DNAH11: variants seen among roughly 807,000 people sequenced by gnomAD.
DNAH11 encodes the protein axonemal beta dynein heavy chain 11.
A neutral mutation model predicts 526.0 loss-of-function variants in DNAH11; 442 were observed. That is an observed-to-expected ratio of 0.84 (90% confidence interval 0.78 to 0.91). DNAH11 has a LOEUF of 0.91. DNAH11 is among the 40% of genes least tolerant of loss of function. DNAH11 has a pLI of 0.00. For synonymous variants in DNAH11, 2,461 were observed against 1,935.9 expected (o/e 1.27, Z -7.12); for missense variants, 6,989 against 5,448.7 (o/e 1.28, Z -8.90).
intron 31 of DNAH11, 151 bp from the exon 32 acceptor site, chr7:21,683,633 A>T: frequency 1.4e-6 from 1 of 718,258 alleles, no homozygotes; most frequent in South Asian, 3.7e-5. Flanking sequence ...GTATTTAACC[A>T]TGTATATGCT....
intron 62 of DNAH11, 144 bp from the exon 63 acceptor site, chr7:21,807,739 C>T: frequency 1.6e-6 from 1 of 616,096 alleles, no homozygotes; most frequent in Admixed American, 3.3e-5. Context: ...AAGATTATAA[C>T]AGTCACACCA....
At chr7:21,823,947 A>T (rs1790163540) in intron 65 of DNAH11, among the ~76,000 whole-genome samples, 1 of 152,192 alleles carries the variant, frequency 6.6e-6, no homozygotes, top group Admixed American at 6.5e-5. Flanking sequence ...TTGATGATGT[A>T]CAAAGCTTGA....
At chr7:21,575,312 T>C (rs1212794580) in intron 8 of DNAH11, among the ~76,000 whole-genome samples, 1 of 152,224 alleles carries the variant, frequency 6.6e-6, no homozygotes, top group East Asian at 1.9e-4. Flanking sequence ...TCCAGGTTGC[T>C]GTGTCTGCTT....
intron 30 of DNAH11, among the ~76,000 whole-genome samples, chr7:21,666,207 G>A (rs1782415548): frequency 6.6e-6 from 1 of 152,030 alleles, no homozygotes; most frequent in Non-Finnish European, 1.5e-5. Context: ...TTGCATATTA[G>A]TATTGGGATT....
chr7:21,788,163 G>A (rs747926681), intron 60 of DNAH11, among the ~76,000 whole-genome samples: 2 of 152,164 alleles, frequency 1.3e-5, no homozygotes, highest in Non-Finnish European at 2.9e-5. Flanking sequence ...GCACTTTGCT[G>A]AGTACTTGAT....
At chr7:21,697,955 C>T in intron 35 of DNAH11, 120 bp from the exon 36 acceptor site, 3 of 1,020,604 alleles carry the variant, frequency 2.9e-6, no homozygotes, top group Non-Finnish European at 4.2e-6. Context: ...GATTGACAGA[C>T]ATAATTATGA....
chr7:21,830,098 A>G (rs1040878067), intron 65 of DNAH11, among the ~76,000 whole-genome samples: 1 of 152,200 alleles, frequency 6.6e-6, no homozygotes, highest in Non-Finnish European at 1.5e-5. Context: ...GCTTTTATGC[A>G]TATCTGACGT....
At chr7:21,730,395 T>G (rs1176448638) in intron 45 of DNAH11, among the ~76,000 whole-genome samples, 1 of 152,200 alleles carries the variant, frequency 6.6e-6, no homozygotes, top group Non-Finnish European at 1.5e-5. Flanking sequence ...GCATTTCAGA[T>G]TAGGAATGCT....
At chr7:21,725,028 G>T (rs2128485379) in intron 44 of DNAH11, among the ~76,000 whole-genome samples, 1 of 44,020 alleles carries the variant, frequency 2.3e-5, no homozygotes, top group African/African-American at 9.0e-5. Flanking sequence ...TCTAGTTGTT[G>T]CTCACAGTTG....
chr7:21,567,050 A>C (rs941451258), intron 6 of DNAH11, among the ~76,000 whole-genome samples: 1 of 152,218 alleles, frequency 6.6e-6, no homozygotes, highest in African/African-American at 2.4e-5. Context: ...GATGTTGGTC[A>C]AAGGGTACAA....
chr7:21,734,090 A>G (rs1164845454), intron 45 of DNAH11, among the ~76,000 whole-genome samples: 3 of 152,170 alleles, frequency 2.0e-5, no homozygotes, highest in African/African-American at 4.8e-5. Context: ...AGAGCATTCT[A>G]TGTGTAGATA....
chr7:21,817,816 A>G (rs1290112243), intron 64 of DNAH11, among the ~76,000 whole-genome samples: 2 of 146,570 alleles, frequency 1.4e-5, no homozygotes, highest in Non-Finnish European at 3.1e-5. Context: ...AAGTGACTAA[A>G]TGTAAAGGTT....
In DNAH11 at chr7:21,683,884, A is replaced by G. The variant is rs942425443; in HGVS notation, c.5561A>G (p.Gln1854Arg). The G allele has an allele frequency of 1.2e-6, 2 of 1,613,740 alleles. No homozygotes were observed. Among genetic ancestry groups the G allele is most frequent in the African/African-American group, 2.7e-5 (2 of 74,934 alleles). Reference protein sequence around the residue: ...CFVNICDAQFQYFYEYLGNSP... With the variant: ...CFVNICDAQFRYFYEYLGNSP... The stretch of plus-strand genomic sequence containing the variant: ...GTTAATATTTGTGATGCCCAGTTCC[A>G]GTACTTCTATGAATACTTAGGAAAC... Residue 1854 changes from glutamine to arginine, a missense_variant, in exon 32 of 82, where the codon CAG (glutamine) becomes CGG (arginine). Gln to Arg is a conservative substitution (Grantham distance 43). Transcript: ENST00000409508.
chr7:21,784,352 T>C (rs1788081040), intron 57 of DNAH11, 75 bp from the exon 58 acceptor site: 4 of 1,123,186 alleles, frequency 3.6e-6, no homozygotes, highest in South Asian at 1.3e-5. Flanking sequence ...TGCATCTGAG[T>C]CAACCTCCAT....
intron 69 of DNAH11, among the ~76,000 whole-genome samples, chr7:21,863,443 T>A (rs1783151453): frequency 6.6e-6 from 1 of 152,218 alleles, no homozygotes; most frequent in East Asian, 1.9e-4. Context: ...TTCTTCTGCC[T>A]CAGCCTCCCG....
intron 68 of DNAH11, among the ~76,000 whole-genome samples, chr7:21,855,192 T>C (rs529370045): frequency 1.3e-5 from 2 of 152,210 alleles, no homozygotes; most frequent in South Asian, 2.1e-4. Flanking sequence ...CCACCACACC[T>C]GGCTAATTTT....
intron 30 of DNAH11, among the ~76,000 whole-genome samples, chr7:21,665,946 A>G (rs1473805895): frequency 6.6e-6 from 1 of 152,144 alleles, no homozygotes; most frequent in Non-Finnish European, 1.5e-5. Flanking sequence ...TCCTTTCAAA[A>G]TGGATGTAAC....
chr7:21,755,336 G>C (rs984148311), intron 54 of DNAH11, among the ~76,000 whole-genome samples: 1 of 152,100 alleles, frequency 6.6e-6, no homozygotes, highest in East Asian at 1.9e-4. Context: ...CTTGCAGCTC[G>C]AATATAGAAC....
At chr7:21,716,706 TC>T (rs1306644269) in intron 42 of DNAH11, among the ~76,000 whole-genome samples, 4 of 152,150 alleles carry the variant, frequency 2.6e-5, no homozygotes, top group African/African-American at 9.7e-5. Context: ...TTTCCATTGT[TC>T]CGCGGTTCCC....
Sources: gnomAD v4.1 joint callset for allele counts (sites outside exome capture counted in the v4.1 genomes callset) on GRCh38, gnomAD v4.1.1 for gene constraint, MANE v1.5 for transcripts, NCBI Gene and HGNC (gene_info 2026-07-23, HGNC 2026-07-21) for gene names.